CMIP: variants seen among roughly 807,000 people sequenced by gnomAD.
CMIP encodes the protein c-Maf inducing protein.
In CMIP, 13 loss-of-function variants were observed where a neutral mutation model predicts 97.3. The ratio of observed to expected loss-of-function variants is 0.13; its 90% confidence interval spans 0.09 to 0.21. The LOEUF is 0.21. CMIP is among the 10% of genes least tolerant of loss of function. CMIP has a pLI of 1.00. For missense variants in CMIP, 847 were observed against 1,024.9 expected (o/e 0.83, Z 2.37); for synonymous variants, 538 against 436.3 (o/e 1.23, Z -2.91).
At chr16:81,511,918 C>T (rs1158574631) in intron 1 of CMIP, among the ~76,000 whole-genome samples, 6 of 152,132 alleles carry the variant, frequency 3.9e-5, no homozygotes, top group South Asian at 2.1e-4. Context: ...CACACATGGT[C>T]GCTGAGCACT....
chr16:81,513,120 G>A (rs2089845291), intron 1 of CMIP, among the ~76,000 whole-genome samples: 1 of 152,254 alleles, frequency 6.6e-6, no homozygotes, highest in South Asian at 2.1e-4. Context: ...GAGCTTTTGA[G>A]TTTTGATTTT....
At chr16:81,523,848 G>A (rs916064222) in intron 1 of CMIP, among the ~76,000 whole-genome samples, 7 of 152,230 alleles carry the variant, frequency 4.6e-5, no homozygotes, top group African/African-American at 1.7e-4. Flanking sequence ...GAGCCTGGAT[G>A]TAACACCCAG....
chr16:81,678,087 C>A (rs2151055514), intron 9 of CMIP, among the ~76,000 whole-genome samples, 188 bp from the exon 10 acceptor site: 1 of 152,314 alleles, frequency 6.6e-6, no homozygotes, highest in East Asian at 1.9e-4. Flanking sequence ...CCCACCTCTT[C>A]CTGTCTAGAC....
intron 10 of CMIP, among the ~76,000 whole-genome samples, chr16:81,681,830 A>G (rs1904903617): frequency 6.6e-6 from 1 of 151,958 alleles, no homozygotes; most frequent in Non-Finnish European, 1.5e-5. Flanking sequence ...TGTAAAATGC[A>G]TGTCTTCTCG....
chr16:81,658,673 C>A (rs1221354030), intron 5 of CMIP, among the ~76,000 whole-genome samples: 1 of 152,232 alleles, frequency 6.6e-6, no homozygotes, highest in African/African-American at 2.4e-5. Flanking sequence ...GTAGTGTGTT[C>A]TGGAAGCTTC....
At position 81,704,098 on chromosome 16, in the gene CMIP, G is replaced by C. The variant is rs764878488; in HGVS notation, c.2091+13G>C. The C allele has an allele frequency of 3.1e-6, 5 of 1,597,682 alleles. No individual in the cohort carries two copies. The highest frequency in any genetic ancestry group is 2.6e-6 in the Non-Finnish European group (3 of 1,174,204). On this transcript the variant is annotated intron_variant, in intron 18 of 20. Transcript: ENST00000537098. ...GTGGTCCACTCAGGTACGTCCTCCC[G>C]CCCTGCTGCAGTCCCCCACACCCTC...
intron 3 of CMIP, among the ~76,000 whole-genome samples, chr16:81,651,670 G>A (rs766179002): frequency 3.9e-5 from 6 of 152,184 alleles, no homozygotes; most frequent in African/African-American, 7.2e-5. Context: ...CTCTTACTGC[G>A]CTTGAATCCT....
chr16:81,600,295 AAG>A (rs1159038746), intron 1 of CMIP, among the ~76,000 whole-genome samples: 3 of 151,528 alleles, frequency 2.0e-5, no homozygotes, highest in Non-Finnish European at 4.4e-5. Context: ...AAAAAAAAAA[AAG>A]ATATATAAAG....
At chr16:81,592,523 G>A (rs2091481528) in intron 1 of CMIP, among the ~76,000 whole-genome samples, 1 of 152,130 alleles carries the variant, frequency 6.6e-6, no homozygotes, top group African/African-American at 2.4e-5. Flanking sequence ...TTCCTCCTGC[G>A]GTGCCTTTGG....
rs777275094 is a variant in CMIP at position 81,576,436 on chromosome 16, A to T, written c.301-31131A>T. 2.0e-5 allele frequency among the ~76,000 whole-genome samples: 3 copies of T among 152,048 alleles called. No homozygotes were observed. In the East Asian group the frequency reaches 5.8e-4, roughly 29 times the overall value. On this transcript the variant is annotated intron_variant, in intron 1 of 20. Coordinates refer to ENST00000537098, the MANE Select transcript of CMIP (RefSeq NM_198390.3). ...GGGGAAAAACAAACAAACAAACAAA[A>T]AACAGAAAAGAAAAGAATGTGCCCA... is the stretch of plus-strand genomic sequence containing the variant.
intron 7 of CMIP, 104 bp downstream of exon 7, chr16:81,664,453 G>T: frequency 8.8e-7 from 1 of 1,130,018 alleles, no homozygotes; most frequent in Non-Finnish European, 1.3e-6. Context: ...AATGTGGTTG[G>T]CCCAGCGTGA....
intron 1 of CMIP, among the ~76,000 whole-genome samples, chr16:81,543,064 G>A (rs772571806): frequency 2.0e-5 from 3 of 152,188 alleles, no homozygotes; most frequent in East Asian, 1.9e-4. Flanking sequence ...AGCCCTGCCC[G>A]CTGGAGCCCA....
chr16:81,573,317 C>T (rs566629756), intron 1 of CMIP, among the ~76,000 whole-genome samples: 1 of 151,226 alleles, frequency 6.6e-6, no homozygotes, highest in African/African-American at 2.4e-5. Flanking sequence ...GCACTCCAGC[C>T]TGGACAACAG....
At chr16:81,628,034 G>T (rs2092098551) in intron 3 of CMIP, among the ~76,000 whole-genome samples, 1 of 152,120 alleles carries the variant, frequency 6.6e-6, no homozygotes, top group Non-Finnish European at 1.5e-5. Context: ...AGGCCCAGGG[G>T]ACCAGGTCAG....
intron 9 of CMIP, among the ~76,000 whole-genome samples, chr16:81,677,361 T>G (rs1904377049): frequency 6.6e-6 from 1 of 152,160 alleles, no homozygotes; most frequent in Non-Finnish European, 1.5e-5. Flanking sequence ...TTTCCTCACC[T>G]GTGGCACAGA....
At chr16:81,534,926 C>G (rs893733073) in intron 1 of CMIP, among the ~76,000 whole-genome samples, 1 of 152,112 alleles carries the variant, frequency 6.6e-6, no homozygotes, top group African/African-American at 2.4e-5. Context: ...TGCCACTGTG[C>G]TGTTTTATTC....
In CMIP at chr16:81,479,454, C is replaced by T. The variant is rs187902222; in HGVS notation, c.300+33913C>T. ...CCATCACCCCCATCCATCTCCAGAA[C>T]TTTCTCATCTTCTCAAACTGAAACT... On this transcript the variant is annotated intron_variant, in intron 1 of 20. Coordinates refer to ENST00000537098, the MANE Select transcript of CMIP (RefSeq NM_198390.3). Among the ~76,000 whole-genome samples, 8 of 152,230 alleles carry T rather than the reference C, an allele frequency of 5.3e-5. No individual in the cohort carries two copies. The East Asian group carries it at 1.5e-3, about 29-fold the overall frequency.
chr16:81,682,665 C>G (rs774506169), intron 10 of CMIP, among the ~76,000 whole-genome samples: 1 of 152,206 alleles, frequency 6.6e-6, no homozygotes, highest in Non-Finnish European at 1.5e-5. Flanking sequence ...CGAACCACAT[C>G]CATCGGAGAG....
At chr16:81,445,563 C>G (rs1189660036) in intron 1 of CMIP, 22 bp downstream of exon 1, 2 of 1,526,300 alleles carry the variant, frequency 1.3e-6, no homozygotes, top group Non-Finnish European at 1.8e-6. Flanking sequence ...TGCGCGGCTG[C>G]ACCCCCGCCT....
Sources: gnomAD v4.1 joint callset for allele counts (sites outside exome capture counted in the v4.1 genomes callset) on GRCh38, gnomAD v4.1.1 for gene constraint, MANE v1.5 for transcripts, NCBI Gene and HGNC (gene_info 2026-07-23, HGNC 2026-07-21) for gene names.